The following TAAR1 variants were observed in gnomAD, a reference collection of about 807,000 sequenced individuals.
TAAR1 encodes trace amine associated receptor 1.
A neutral mutation model predicts 1.2 loss-of-function variants in TAAR1; 1 was observed. That is an observed-to-expected ratio of 0.81 (90% CI 0.29 to 3.86). TAAR1 has a LOEUF of 3.86. Among genes scored for constraint, TAAR1 ranks in the 30% most tolerant of loss-of-function variants. The pLI is 0.18. For synonymous variants in TAAR1, 153 were observed against 132.2 expected, an observed-to-expected ratio of 1.16 and a Z score of -1.08; for missense variants, 445 against 405.6, an observed-to-expected ratio of 1.10 and a Z score of -0.83.
chr6:132,650,342 A>G (rs1215557583), intron 1 of TAAR1, among the ~76,000 whole-genome samples: 2 of 152,118 alleles, frequency 1.3e-5, no homozygotes, highest in Non-Finnish European at 2.9e-5. Context: ...TCACATTAAC[A>G]TACTTTCCTG....
rs753568048 is a variant in TAAR1, at chr6:132,645,502, C to T, written c.502G>A (p.Ala168Thr). ...MIFLELNFKG[A>T]EEIYYKHVHC... Reference sequence around the variant, plus strand: ...ACATGTTTGTAATATATCTCTTCAGCGCCTTTGAAGTTTAGCTCCAGAAAG... The same window carrying T: ...ACATGTTTGTAATATATCTCTTCAGTGCCTTTGAAGTTTAGCTCCAGAAAG... Residue 168 changes from alanine to threonine, a missense_variant, in exon 2 of 2, where the codon GCT becomes ACT. Ala to Thr is a moderately conservative substitution (Grantham distance 58, BLOSUM62 0). Coordinates refer to ENST00000275216, the MANE Select transcript of TAAR1 (RefSeq NM_138327.4). The T allele has an allele frequency of 6.8e-6, 11 of 1,613,576 alleles. No homozygotes were observed. Among genetic ancestry groups the T allele is most frequent in the Middle Eastern group, 1.6e-4 (1 of 6,078 alleles).
intron 1 of TAAR1, among the ~76,000 whole-genome samples, chr6:132,647,617 GAAAAAGGAAAGAAAGAAAGA>G (rs1407322970): frequency 5.4e-5 from 5 of 93,158 alleles, no homozygotes; most frequent in African/African-American, 2.0e-4. Flanking sequence ...AAGAAAGAAA[GAAAAAGGAAAGAAAGAAAGA>G]AAGAAAGAAA....
Position 132,654,486 on chromosome 6 carries a change from C to A in TAAR1, c.-127+4644G>T, listed in dbSNP as rs1777781296. On this transcript the variant is annotated intron_variant, in intron 1 of 1. Coordinates refer to ENST00000275216, the MANE Select transcript of TAAR1 (RefSeq NM_138327.4). ...AAATCTGTAGCCCTAAAATAATGTA[C>A]CTTTACAGGAACAAATATAGGCTGA... Among the ~76,000 whole-genome samples, 6 of 152,158 alleles carry A rather than the reference C, an allele frequency of 3.9e-5. 1 individual carries two copies. In the South Asian group the frequency reaches 1.2e-3, roughly 32 times the overall value.
chr6:132,656,069 T>C (rs1332011176), intron 1 of TAAR1, among the ~76,000 whole-genome samples: 1 of 152,170 alleles, frequency 6.6e-6, no homozygotes, highest in Non-Finnish European at 1.5e-5. Flanking sequence ...TGCTCAGCTG[T>C]TTGGTTCAAG....
chr6:132,651,358 A>T (rs1002274894), intron 1 of TAAR1, among the ~76,000 whole-genome samples: 2 of 151,798 alleles, frequency 1.3e-5, no homozygotes, highest in African/African-American at 4.8e-5. Context: ...TTCCCTCTGA[A>T]CTCTGGACTA....
chr6:132,651,663 C>T (rs1473148126), intron 1 of TAAR1, among the ~76,000 whole-genome samples: 4 of 152,204 alleles, frequency 2.6e-5, no homozygotes, highest in African/African-American at 9.7e-5. Context: ...CCAACAATCT[C>T]CAGATTAATC....
Position 132,644,364 on chromosome 6 carries a change from T to A in TAAR1, c.*620A>T, listed in dbSNP as rs984679090. Among the ~76,000 whole-genome samples the A allele has an allele frequency of 4.0e-5, 6 of 151,840 alleles. No homozygotes were observed. The highest frequency in any genetic ancestry group is 2.1e-4 in the South Asian group (1 of 4,824). Reference sequence around the variant, plus strand: ...AAGTATACTATGAATAACATTTTTTTAATTTCATTTGGTTTGTATATATTT... The same window carrying A: ...AAGTATACTATGAATAACATTTTTTAAATTTCATTTGGTTTGTATATATTT... On this transcript the variant is annotated 3_prime_UTR_variant, in exon 2 of 2. Coordinates refer to ENST00000275216, the MANE Select transcript of TAAR1 (RefSeq NM_138327.4).
intron 1 of TAAR1, among the ~76,000 whole-genome samples, chr6:132,651,118 C>G (rs983143173): frequency 1.3e-5 from 2 of 152,180 alleles, no homozygotes; most frequent in Non-Finnish European, 2.9e-5. Flanking sequence ...TCAATTCCCC[C>G]TTGAAACAAT....
chr6:132,646,728 G>T (rs1219887105), intron 1 of TAAR1, among the ~76,000 whole-genome samples: 1 of 151,930 alleles, frequency 6.6e-6, no homozygotes, highest in Non-Finnish European at 1.5e-5. Context: ...ACATTTATAA[G>T]ACCAACATCA....
intron 1 of TAAR1, among the ~76,000 whole-genome samples, chr6:132,655,313 G>C (rs1459628527): frequency 6.6e-6 from 1 of 150,856 alleles, no homozygotes; most frequent in Non-Finnish European, 1.5e-5. Context: ...GGATCTGGTG[G>C]ATAAAATAGA....
At chr6:132,651,536 G>T (rs1037838534) in intron 1 of TAAR1, among the ~76,000 whole-genome samples, 2 of 151,990 alleles carry the variant, frequency 1.3e-5, no homozygotes, top group Non-Finnish European at 1.5e-5. Context: ...TTAGCTTCTC[G>T]CACTCAACAA....
chr6:132,645,316 T>C lies in TAAR1; in HGVS notation c.688A>G (p.Lys230Glu), dbSNP rs868297865. 2 of 1,613,546 alleles carry C rather than the reference T, an allele frequency of 1.2e-6. No homozygotes were observed. Among genetic ancestry groups the C allele is most frequent in the African/African-American group, 1.3e-5 (1 of 74,890 alleles). ...TTCATTTCCAATCCAATTTGGAGCT[T>C]CTGATTGGCATCACTAATTAATCTT... ...QARLISDANQ[K>E]LQIGLEMKNG... The change falls in exon 2 of 2, where the codon AAG becomes GAG. Residue 230 changes from lysine to glutamate, a missense_variant. Lys to Glu is a moderately conservative substitution (Grantham distance 56, BLOSUM62 1). Transcript: ENST00000275216.
Position 132,645,090 on chromosome 6 carries a change from G to A in TAAR1, c.914C>T (p.Ala305Val), listed in dbSNP as rs1353344927. Residue 305 changes from alanine to valine, a missense_variant, in exon 2 of 2, where the codon GCA becomes GTA. Physicochemically the swap from Ala to Val is moderately conservative, Grantham distance 64 (BLOSUM62 0). Transcript: ENST00000275216. Reference sequence around the variant, plus strand: ...TTTTCTAAACCAAGGATAGAAAAATGCATAAACCATTGGATTAAATGTAGA... The same window carrying A: ...TTTTCTAAACCAAGGATAGAAAAATACATAAACCATTGGATTAAATGTAGA... ...LNSTFNPMVY[A>V]FFYPWFRKAL... is the part of the protein sequence containing the mutation. 1.9e-6 allele frequency: 3 copies of A among 1,612,054 alleles called. No homozygotes were observed. The highest frequency in any genetic ancestry group is 2.2e-5 in the East Asian group (1 of 44,824).
rs1777625457 is a variant in TAAR1, at chr6:132,643,796, A to T, written c.*1188T>A. 6.6e-6 allele frequency among the ~76,000 whole-genome samples: 1 copy of T among 151,968 alleles called. No homozygotes were observed. The highest frequency in any genetic ancestry group is 2.1e-4 in the South Asian group (1 of 4,830). On this transcript the variant is annotated 3_prime_UTR_variant, in exon 2 of 2. Coordinates refer to ENST00000275216, the MANE Select transcript of TAAR1 (RefSeq NM_138327.4). ...TAGAATGTTTGCCCACTTCCTTTAGAGAATCTTATTTGAAACCATTATTTG... is the reference window on the plus strand; with the variant it reads ...TAGAATGTTTGCCCACTTCCTTTAGTGAATCTTATTTGAAACCATTATTTG...
intron 1 of TAAR1, among the ~76,000 whole-genome samples, 127 bp from the exon 2 acceptor site, chr6:132,646,256 A>G (rs974918868): frequency 6.6e-6 from 1 of 152,170 alleles, no homozygotes; most frequent in Non-Finnish European, 1.5e-5. Context: ...GTTCCATTCA[A>G]TAGTTCAGTA....
chr6:132,647,098 A>G (rs1407635419), intron 1 of TAAR1, among the ~76,000 whole-genome samples: 1 of 152,100 alleles, frequency 6.6e-6, no homozygotes, highest in Non-Finnish European at 1.5e-5. Flanking sequence ...AGCCCAGGGA[A>G]GCTGAGTTTC....
chr6:132,657,080 A>C (rs2114291045), intron 1 of TAAR1, among the ~76,000 whole-genome samples: 1 of 152,314 alleles, frequency 6.6e-6, no homozygotes, highest in African/African-American at 2.4e-5. Context: ...TTGTTAAAAG[A>C]ACATTCAAAA....
At chr6:132,649,751 C>T (rs1219238809) in intron 1 of TAAR1, among the ~76,000 whole-genome samples, 1 of 152,062 alleles carries the variant, frequency 6.6e-6, no homozygotes, top group Non-Finnish European at 1.5e-5. Context: ...AGGTAGCTTC[C>T]CCCATCATTC....
chr6:132,658,904 A>G (rs1777838968), intron 1 of TAAR1, among the ~76,000 whole-genome samples: 1 of 152,226 alleles, frequency 6.6e-6, no homozygotes, highest in Admixed American at 6.5e-5. Flanking sequence ...TTAAAAATAT[A>G]TAACCATTCT....
Sources: allele counts gnomAD v4.1 joint callset (sites outside exome capture counted in the v4.1 genomes callset), GRCh38; gene constraint gnomAD v4.1.1; transcripts MANE v1.5; gene names NCBI Gene and HGNC (gene_info 2026-07-23, HGNC 2026-07-21).